The following OSBPL11 variants were observed in gnomAD, a reference collection of about 807,000 sequenced individuals.
OSBPL11 encodes the protein oxysterol-binding protein-related protein 11.
In OSBPL11, 33 loss-of-function variants were observed where a neutral mutation model predicts 84.4. The ratio of observed to expected loss-of-function variants is 0.39; its 90% CI spans 0.30 to 0.52. OSBPL11 has a LOEUF of 0.52. Among genes scored for constraint, OSBPL11 ranks in the 20% least tolerant of loss-of-function variants. The pLI is 0.72. For synonymous variants in OSBPL11, 276 were observed against 310.2 expected (o/e 0.89, Z 1.16); for missense variants, 736 against 901.1 (o/e 0.82, Z 2.35).
intron 8 of OSBPL11, among the ~76,000 whole-genome samples, chr3:125,555,574 G>T (rs1416271758): frequency 6.6e-6 from 1 of 152,092 alleles, no homozygotes. Context: ...ACATGATAAA[G>T]AGAAGATTCT....
At position 125,528,900 on chromosome 3, in the gene OSBPL11, C is replaced by A. The variant is rs187092741; in HGVS notation, c.*1615G>T. On this transcript the variant is annotated 3_prime_UTR_variant, in exon 13 of 13. Coordinates refer to ENST00000296220, the MANE Select transcript of OSBPL11 (RefSeq NM_022776.5). ...TTATTATTTGTCAATTTTCCCAACACAGGAACTATAACTCATTTTGAGGAT... is the reference window on the plus strand; with the variant it reads ...TTATTATTTGTCAATTTTCCCAACAAAGGAACTATAACTCATTTTGAGGAT... 1.9e-4 allele frequency: 29 copies of A among 152,756 alleles called. No homozygotes were observed. The East Asian group carries it at 5.0e-3, about 26-fold the overall frequency. 9.5% of individuals were successfully genotyped at this position (152,756 alleles called of 1,614,324 possible).
intron 7 of OSBPL11, among the ~76,000 whole-genome samples, chr3:125,562,180 T>C (rs999758842): frequency 2.0e-5 from 3 of 152,288 alleles, no homozygotes; most frequent in Non-Finnish European, 1.5e-5. Flanking sequence ...CCTATCCCAA[T>C]AGCCTACATG....
intron 8 of OSBPL11, among the ~76,000 whole-genome samples, chr3:125,556,569 C>T (rs1935993992): frequency 1.3e-5 from 2 of 152,204 alleles, no homozygotes; most frequent in Admixed American, 1.3e-4. Context: ...ACAGGACTCA[C>T]AACTTTGCCT....
At chr3:125,567,250 A>G in intron 6 of OSBPL11, 144 bp downstream of exon 6, 1 of 679,508 alleles carries the variant, frequency 1.5e-6, no homozygotes, top group Non-Finnish European at 2.5e-6. Flanking sequence ...GTATAACATC[A>G]GCATGATAAT....
chr3:125,542,820 T>C (rs1935752885), intron 10 of OSBPL11, among the ~76,000 whole-genome samples: 1 of 152,144 alleles, frequency 6.6e-6, no homozygotes, highest in Non-Finnish European at 1.5e-5. Context: ...TAATTTTGTA[T>C]TTTTATTAGA....
rs1553731465 is a variant in OSBPL11, at chr3:125,532,590, A to AAC, written c.2025-577_2025-576insGT. Among the ~76,000 whole-genome samples the AAC allele has an allele frequency of 8.7e-3, 1,310 of 150,142 alleles. 10 individuals carry two copies. Among genetic ancestry groups the AAC allele is most frequent in the African/African-American group, 0.031 (1,237 of 40,408 alleles). On this transcript the variant is annotated intron_variant, in intron 11 of 12. Transcript: ENST00000296220. ...ACAAATCTCAAGCAAAAAAAAAAAA[A>AAC]AACAAAAAAAAACTGCCACAACACT...
rs1580025764 is a variant in OSBPL11 at position 125,529,932 on chromosome 3, C to T, written c.*583G>A. On this transcript the variant is annotated 3_prime_UTR_variant, in exon 13 of 13. Transcript: ENST00000296220. ...ACAGAGGTGGATAATAGGTAAGTTC[C>T]TCAGACACAGGCATACAGTCTTTTT... 1 of 152,820 alleles carries T rather than the reference C, an allele frequency of 6.5e-6. No homozygotes were observed. The highest frequency in any genetic ancestry group is 1.5e-5 in the Non-Finnish European group (1 of 68,302). The allele number at this position is 152,820 out of a possible 1,614,324, so 9.5% of individuals were successfully genotyped here. A position where few individuals can be genotyped will look rare whatever the true frequency, so the allele number is the denominator to read the frequency against.
chr3:125,534,374 C>T (rs1022414734), intron 11 of OSBPL11, among the ~76,000 whole-genome samples: 1 of 148,958 alleles, frequency 6.7e-6, no homozygotes, highest in Non-Finnish European at 1.5e-5. Context: ...CAGAGTAAGA[C>T]ACTACTTTGT....
chr3:125,551,054 C>T (rs1470535559), intron 9 of OSBPL11, among the ~76,000 whole-genome samples: 1 of 150,936 alleles, frequency 6.6e-6, no homozygotes, highest in Non-Finnish European at 1.5e-5. Context: ...GTCCTAGCTA[C>T]TTGGGAGGCT....
chr3:125,530,603 G>C, intron 12 of OSBPL11, 23 bp from the exon 13 acceptor site: 2 of 1,580,942 alleles, frequency 1.3e-6, no homozygotes, highest in Non-Finnish European at 1.7e-6. Context: ...AAAAGATAAA[G>C]AATCATCCCT....
At chr3:125,567,682 G>T in intron 5 of OSBPL11, 87 bp from the exon 6 acceptor site, 1 of 1,120,814 alleles carries the variant, frequency 8.9e-7, no homozygotes. Flanking sequence ...ACCAGATTCA[G>T]CTTCTGAGCC....
intron 8 of OSBPL11, among the ~76,000 whole-genome samples, chr3:125,557,166 A>G (rs984487146): frequency 1.3e-5 from 2 of 152,188 alleles, no homozygotes; most frequent in Non-Finnish European, 2.9e-5. Context: ...TCATAATATT[A>G]TTTAAAAAGA....
chr3:125,576,217 G>A lies in OSBPL11; in HGVS notation c.638C>T (p.Pro213Leu), dbSNP rs767250036. ...LQSLSKRTNL[P>L]PDHLVEVREM... The stretch of plus-strand genomic sequence containing the variant: ...TCTGACTTCCACAAGATGGTCTGGA[G>A]GTAAATTAGTTCTTTTGCTCAGTGA... The change falls in exon 5 of 13, where the codon CCT becomes CTT. Residue 213 changes from proline (P) to leucine (L), a missense_variant. Physicochemically the swap from Pro to Leu is moderately conservative, Grantham distance 98. This residue lies in a region of OSBPL11 where 579 missense variants were observed against 717.6 expected (regional missense o/e 0.81). Transcript: ENST00000296220. 10 of 1,608,938 alleles carry A rather than the reference G, an allele frequency of 6.2e-6. No homozygotes were observed. Among genetic ancestry groups the A allele is most frequent in the Non-Finnish European group, 8.5e-7 (1 of 1,178,678 alleles).
chr3:125,530,865 C>T (rs571228655), intron 12 of OSBPL11, among the ~76,000 whole-genome samples: 2 of 152,278 alleles, frequency 1.3e-5, no homozygotes, highest in African/African-American at 4.8e-5. Flanking sequence ...CAAGATGCTA[C>T]AGATTGAGCC....
intron 3 of OSBPL11, among the ~76,000 whole-genome samples, 164 bp from the exon 4 acceptor site, chr3:125,579,203 C>T (rs1418874818): frequency 1.3e-5 from 2 of 152,134 alleles, no homozygotes; most frequent in Non-Finnish European, 2.9e-5. Flanking sequence ...AAAGCACCAA[C>T]GTTGTTAGGG....
intron 12 of OSBPL11, among the ~76,000 whole-genome samples, 174 bp from the exon 13 acceptor site, chr3:125,530,754 C>T (rs1422979902): frequency 6.6e-6 from 1 of 152,082 alleles, no homozygotes; most frequent in Non-Finnish European, 1.5e-5. Flanking sequence ...TGTGGTTTAG[C>T]TAGGATTTAG....
chr3:125,575,793 T>C (rs907823481), intron 5 of OSBPL11, among the ~76,000 whole-genome samples: 8 of 152,092 alleles, frequency 5.3e-5, no homozygotes, highest in African/African-American at 1.9e-4. Context: ...CACCTTGGCT[T>C]CCCAAAGTGC....
intron 10 of OSBPL11, among the ~76,000 whole-genome samples, chr3:125,540,120 C>G (rs975973904): frequency 6.6e-6 from 1 of 151,918 alleles, no homozygotes; most frequent in African/African-American, 2.4e-5. Flanking sequence ...AATCTAAGAG[C>G]AAATCAAACA....
chr3:125,530,759 A>G (rs1935544258), intron 12 of OSBPL11, among the ~76,000 whole-genome samples, 179 bp from the exon 13 acceptor site: 3 of 152,170 alleles, frequency 2.0e-5, no homozygotes, highest in Non-Finnish European at 2.9e-5. Context: ...TTTAGCTAGG[A>G]TTTAGGTGAG....
Sources: gnomAD v4.1 joint callset for allele counts (sites outside exome capture counted in the v4.1 genomes callset) on GRCh38, gnomAD v4.1.1 for gene constraint, gnomAD v4.1.1 regional missense constraint, MANE v1.5 for transcripts, NCBI Gene and HGNC (gene_info 2026-07-23, HGNC 2026-07-21) for gene names.